Variants in HMGXB3 observed in about 807,000 individuals in gnomAD.
HMGXB3 encodes HMG domain-containing protein 3.
HMGXB3 carries 45 observed loss-of-function variants against 121.5 expected under a neutral mutation model. The observed-to-expected ratio is 0.37, with a 90% confidence interval of 0.29 to 0.47. The LOEUF (loss-of-function observed/expected upper bound fraction) is 0.47, where lower values mean the gene tolerates loss of function less well. HMGXB3 is among the 20% of genes least tolerant of loss of function. The probability of loss-of-function intolerance (pLI) is 0.99; values close to 1 mark genes in which losing one functional copy is unlikely to be tolerated. For missense variants in HMGXB3, 1,376 were observed against 1,602.2 expected (o/e 0.86, Z 2.41); for synonymous variants, 590 against 624.1 (o/e 0.95, Z 0.81).
chr5:150,030,782 TGTG>T lies in HMGXB3; in HGVS notation c.1778_1780del (p.Val593del). The T allele has an allele frequency of 6.4e-7, 1 of 1,552,218 alleles. No homozygotes were observed. The highest frequency in any genetic ancestry group is 8.7e-7 in the Non-Finnish European group (1 of 1,147,062). ...CCAACAGGACTTCTCAGGTGAAAGT[TGTG>T]GAGGTCAAGCCCGATATGTTTCCTC... On this transcript the variant is annotated inframe_deletion, in exon 10 of 20. Coordinates refer to ENST00000502717, the MANE Select transcript of HMGXB3 (RefSeq NM_014983.3).
intron 2 of HMGXB3, among the ~76,000 whole-genome samples, chr5:150,005,403 C>T (rs2113722017): frequency 6.6e-6 from 1 of 152,116 alleles, no homozygotes; most frequent in Non-Finnish European, 1.5e-5. Context: ...AGTTCGAGAC[C>T]AGCCTGACCA....
intron 5 of HMGXB3, among the ~76,000 whole-genome samples, chr5:150,016,586 A>C (rs1755966404): frequency 6.6e-6 from 1 of 152,172 alleles, no homozygotes; most frequent in Admixed American, 6.5e-5. Flanking sequence ...TTATTGTTAC[A>C]TCAAGAAATC....
chr5:150,031,134 T>G (rs1345400479), intron 10 of HMGXB3, among the ~76,000 whole-genome samples: 4 of 152,254 alleles, frequency 2.6e-5, no homozygotes, highest in African/African-American at 9.6e-5. Context: ...ATTTAACATT[T>G]AGCTGTCTTG....
chr5:150,037,563 A>G (rs1349087797), intron 13 of HMGXB3, 36 bp downstream of exon 13: 2 of 1,475,730 alleles, frequency 1.4e-6, no homozygotes, highest in Middle Eastern at 1.7e-4. Flanking sequence ...AGAGCATCCC[A>G]AAGCAGGCTT....
chr5:150,027,845 G>A (rs549583687), intron 9 of HMGXB3, among the ~76,000 whole-genome samples: 4 of 152,294 alleles, frequency 2.6e-5, no homozygotes, highest in Admixed American at 1.3e-4. Flanking sequence ...GAGCCACCAC[G>A]CCTGGCCTAG....
rs1240563373 is a variant in HMGXB3, at chr5:150,018,654, G to A, written c.998G>A (p.Cys333Tyr). Residue 333 changes from cysteine (C) to tyrosine (Y), a missense_variant, in exon 6 of 20, where the codon TGC (cysteine) becomes TAC (tyrosine). Physicochemically the swap from Cys to Tyr is radical, Grantham distance 194 (BLOSUM62 -2). Around this residue, in one of 2 missense-constraint regions of HMGXB3, gnomAD observed 1,116 missense variants for 1,369.0 expected, o/e 0.82. Transcript: ENST00000502717. ...TYVTRHKPPK[C>Y]PTCGNFLGGK... ...GTCACCAGGCACAAGCCACCTAAGT[G>A]CCCTACCTGTGGTAACTTCCTAGGA... is the stretch of plus-strand genomic sequence containing the variant. 1 of 1,551,006 alleles carries A rather than the reference G, an allele frequency of 6.4e-7. No individual in the cohort carries two copies. The highest frequency in any genetic ancestry group is 2.4e-5 in the East Asian group (1 of 40,898).
intron 2 of HMGXB3, among the ~76,000 whole-genome samples, chr5:150,005,513 C>G (rs1044594576): frequency 2.7e-5 from 4 of 148,728 alleles, no homozygotes; most frequent in Middle Eastern, 3.5e-3. Flanking sequence ...GCAAGAGAAT[C>G]ACTTGAATCT....
rs76960757 is a variant in HMGXB3 at position 150,008,962 on chromosome 5, C to T, written c.313-1149C>T. 7.1e-3 allele frequency among the ~76,000 whole-genome samples: 1,074 copies of T among 152,244 alleles called. 7 individuals carry two copies. Among genetic ancestry groups the T allele is most frequent in the Non-Finnish European group, 0.011 (773 of 68,026 alleles). ...TCCTTTATGCCTTAAGTAGTCTCAT[C>T]GACTTCTTGCTTTTGATTTATTGAA... is the stretch of plus-strand genomic sequence containing the variant. On this transcript the variant is annotated intron_variant, in intron 3 of 19. Transcript: ENST00000502717.
chr5:150,048,314 T>G (rs1282995972), intron 17 of HMGXB3, among the ~76,000 whole-genome samples: 1 of 152,254 alleles, frequency 6.6e-6, no homozygotes, highest in Non-Finnish European at 1.5e-5. Flanking sequence ...CTGTAAAAAG[T>G]GAAAGGACTC....
At chr5:150,014,304 G>T (rs1349357486) in intron 5 of HMGXB3, among the ~76,000 whole-genome samples, 2 of 152,178 alleles carry the variant, frequency 1.3e-5, no homozygotes, top group Non-Finnish European at 2.9e-5. Flanking sequence ...ATTGTTTTAT[G>T]CAATCTTTAA....
Position 150,010,213 on chromosome 5 carries a change from C to T in HMGXB3, c.415C>T (p.Gln139Ter), listed in dbSNP as rs1164566939. Reference protein sequence around the residue: ...DYIIIPKSSLQEDRSCPQLEL... With the variant: ...DYIIIPKSSL Reference sequence around the variant, plus strand: ...TATCATCATCCCCAAGAGCAGCCTGCAGGAGGACCGGAGCTGCCCTCAGCT... The same window carrying T: ...TATCATCATCCCCAAGAGCAGCCTGTAGGAGGACCGGAGCTGCCCTCAGCT... The change falls in exon 4 of 20, where the codon CAG becomes TAG. Residue 139 changes from glutamine (Q) to a stop codon, truncating the protein, a stop_gained. Transcript: ENST00000502717. LOFTEE classifies it high-confidence loss of function. The T allele has an allele frequency of 6.4e-7, 1 of 1,551,906 alleles. No individual in the cohort carries two copies. Among genetic ancestry groups the T allele is most frequent in the Non-Finnish European group, 8.7e-7 (1 of 1,147,044 alleles).
At chr5:150,020,035 C>G (rs1756050979) in intron 6 of HMGXB3, among the ~76,000 whole-genome samples, 1 of 152,152 alleles carries the variant, frequency 6.6e-6, no homozygotes, top group Non-Finnish European at 1.5e-5. Context: ...TATATCTGTT[C>G]CTGGATTTAA....
intron 13 of HMGXB3, among the ~76,000 whole-genome samples, chr5:150,039,666 C>T (rs373104786): frequency 4.0e-5 from 6 of 151,232 alleles, no homozygotes; most frequent in African/African-American, 9.7e-5. Context: ...CCCAGTTTAT[C>T]GCTCTATTTA....
intron 13 of HMGXB3, 21 bp downstream of exon 13, chr5:150,037,548 C>T (rs1423855719): frequency 7.3e-6 from 11 of 1,503,692 alleles, no homozygotes; most frequent in Non-Finnish European, 9.0e-6. Flanking sequence ...ACCTTCTCTT[C>T]CCTCAGAGCA....
chr5:150,025,866 C>T (rs1394575058), intron 7 of HMGXB3, among the ~76,000 whole-genome samples: 5 of 151,846 alleles, frequency 3.3e-5, no homozygotes, highest in African/African-American at 4.8e-5. Context: ...GATGGAATCT[C>T]GCTCTGTCGC....
intron 4 of HMGXB3, among the ~76,000 whole-genome samples, chr5:150,011,669 A>G (rs544926185): frequency 1.5e-4 from 22 of 150,170 alleles, no homozygotes; most frequent in African/African-American, 4.9e-5. Flanking sequence ...CAGTGGCACA[A>G]TCTCGGCTCA....
At chr5:150,026,023 A>G (rs913403565) in intron 7 of HMGXB3, among the ~76,000 whole-genome samples, 4 of 149,928 alleles carry the variant, frequency 2.7e-5, no homozygotes, top group East Asian at 2.0e-4. Context: ...GTAGAGACGG[A>G]GTTTCACCGT....
intron 3 of HMGXB3, among the ~76,000 whole-genome samples, chr5:150,007,675 A>C (rs1755732125): frequency 6.6e-6 from 1 of 152,170 alleles, no homozygotes; most frequent in Admixed American, 6.5e-5. Flanking sequence ...ATTAACAGTG[A>C]ATCTGGGAAA....
chr5:150,046,367 G>C (rs571348785), intron 16 of HMGXB3, among the ~76,000 whole-genome samples: 2 of 152,324 alleles, frequency 1.3e-5, no homozygotes, highest in East Asian at 3.9e-4. Context: ...ACATATGCAA[G>C]TGTGTATAAC....
Sources: gnomAD v4.1 joint callset for allele counts (sites outside exome capture counted in the v4.1 genomes callset) on GRCh38, gnomAD v4.1.1 for gene constraint, gnomAD v4.1.1 regional missense constraint, MANE v1.5 for transcripts, NCBI Gene and HGNC (gene_info 2026-07-23, HGNC 2026-07-21) for gene names.